The following MTPN variants were observed in gnomAD, a reference collection of about 807,000 sequenced individuals.
The protein encoded by MTPN is granule cell differentiation protein.
A neutral mutation model predicts 13.5 loss-of-function variants in MTPN; 2 were observed. That is an observed-to-expected ratio of 0.15 (90% CI 0.06 to 0.47). MTPN has a LOEUF of 0.47. Among genes scored for constraint, MTPN ranks in the 20% least tolerant of loss-of-function variants. The pLI, the probability that MTPN is intolerant of heterozygous loss-of-function variation, is 0.97. For missense variants in MTPN, 79 were observed against 137.9 expected (o/e 0.57, Z 2.14); for synonymous variants, 46 against 51.7 (o/e 0.89, Z 0.48).
In MTPN at chr7:135,965,228, T is replaced by C. The variant is rs10260809; in HGVS notation, c.72+11801A>G. ...GTATTAAGCACTGCTTTGCAAATTT[T>C]ACATTTACATTATTTTTTAAAACTT... On this transcript the variant is annotated intron_variant, in intron 1 of 3. Transcript: ENST00000393085. Among the ~76,000 whole-genome samples the C allele has an allele frequency of 5.1e-3, 773 of 152,266 alleles. 6 individuals carry two copies. Among genetic ancestry groups the C allele is most frequent in the African/African-American group, 0.018 (749 of 41,564 alleles).
intron 3 of MTPN, among the ~76,000 whole-genome samples, chr7:135,941,015 T>C (rs1446895482): frequency 6.6e-6 from 1 of 152,206 alleles, no homozygotes; most frequent in Non-Finnish European, 1.5e-5. Context: ...GTGGCAGAGA[T>C]GAGAAGCTTT....
At chr7:135,954,299 T>C (rs1435719014) in intron 1 of MTPN, among the ~76,000 whole-genome samples, 1 of 152,262 alleles carries the variant, frequency 6.6e-6, no homozygotes, top group Non-Finnish European at 1.5e-5. Context: ...GACAAAAGAT[T>C]ATTCAAAATA....
chr7:135,973,466 T>C (rs1799726578), intron 1 of MTPN, among the ~76,000 whole-genome samples: 1 of 150,236 alleles, frequency 6.7e-6, no homozygotes, highest in South Asian at 2.1e-4. Context: ...GGAGACACAA[T>C]AGGAATAAAA....
chr7:135,954,965 C>T (rs1463031505), intron 1 of MTPN, among the ~76,000 whole-genome samples: 1 of 152,096 alleles, frequency 6.6e-6, no homozygotes, highest in Non-Finnish European at 1.5e-5. Flanking sequence ...ATGTTATATC[C>T]TCCCTTGCAC....
intron 3 of MTPN, among the ~76,000 whole-genome samples, chr7:135,946,621 T>C (rs1371360246): frequency 6.6e-6 from 1 of 152,240 alleles, no homozygotes; most frequent in Non-Finnish European, 1.5e-5. Flanking sequence ...AGGGTATGCC[T>C]AGGAAAAAGT....
intron 1 of MTPN, among the ~76,000 whole-genome samples, chr7:135,973,978 A>G (rs1799734751): frequency 6.6e-6 from 1 of 152,230 alleles, no homozygotes; most frequent in Non-Finnish European, 1.5e-5. Context: ...AAATTGCTTC[A>G]GATATTGTCT....
intron 1 of MTPN, among the ~76,000 whole-genome samples, chr7:135,973,073 T>C (rs1312386508): frequency 6.7e-6 from 1 of 149,486 alleles, no homozygotes; most frequent in Non-Finnish European, 1.5e-5. Context: ...CCTTTTAAAA[T>C]AAGCAGTGAG....
chr7:135,941,881 CTTTTTT>C (rs564045963), intron 3 of MTPN, among the ~76,000 whole-genome samples: 1 of 136,194 alleles, frequency 7.3e-6, no homozygotes, highest in African/African-American at 2.7e-5. Context: ...TGTTATATTA[CTTTTTT>C]TTTTTTTTTT....
At chr7:135,975,315 T>C (rs575441432) in intron 1 of MTPN, among the ~76,000 whole-genome samples, 1 of 152,358 alleles carries the variant, frequency 6.6e-6, no homozygotes, top group East Asian at 1.9e-4. Flanking sequence ...CTTGGTATGA[T>C]ACGCTTTCAC....
intron 3 of MTPN, among the ~76,000 whole-genome samples, chr7:135,930,638 G>A (rs1447784571): frequency 1.3e-5 from 2 of 152,152 alleles, no homozygotes; most frequent in Non-Finnish European, 2.9e-5. Context: ...CGGCATTCTG[G>A]TTTTGAGAGT....
chr7:135,945,369 C>T (rs904071942), intron 3 of MTPN, among the ~76,000 whole-genome samples: 1 of 152,184 alleles, frequency 6.6e-6, no homozygotes, highest in African/African-American at 2.4e-5. Flanking sequence ...ATGTCTTTAA[C>T]ATTTTGACTG....
At chr7:135,969,241 AAAAAAAAAAAAAG>A (rs1246298346) in intron 1 of MTPN, among the ~76,000 whole-genome samples, 6 of 97,300 alleles carry the variant, frequency 6.2e-5, no homozygotes, top group Non-Finnish European at 1.1e-4. Context: ...AGTATAATAA[AAAAAAAAAAAAAG>A]AAAAAAAAAA....
At chr7:135,975,087 A>G (rs1799752379) in intron 1 of MTPN, among the ~76,000 whole-genome samples, 1 of 152,224 alleles carries the variant, frequency 6.6e-6, no homozygotes, top group Admixed American at 6.5e-5. Flanking sequence ...CCTCTTATGC[A>G]AATTTTTTAC....
chr7:135,952,442 C>T (rs1043517731), intron 1 of MTPN, among the ~76,000 whole-genome samples: 4 of 152,256 alleles, frequency 2.6e-5, no homozygotes, highest in South Asian at 2.1e-4. Context: ...CACTGTGATA[C>T]ACCCATTATT....
chr7:135,954,873 G>A (rs1342880895), intron 1 of MTPN, among the ~76,000 whole-genome samples: 6 of 152,190 alleles, frequency 3.9e-5, no homozygotes, highest in African/African-American at 1.2e-4. Flanking sequence ...AACCTGGGAG[G>A]CAGAGCTTGC....
intron 3 of MTPN, among the ~76,000 whole-genome samples, chr7:135,940,521 T>C (rs931667859): frequency 1.2e-4 from 19 of 152,200 alleles, no homozygotes; most frequent in Non-Finnish European, 2.5e-4. Context: ...AGTAAAAATA[T>C]GTAACCACAT....
chr7:135,964,483 G>A (rs541367673), intron 1 of MTPN, among the ~76,000 whole-genome samples: 2 of 152,140 alleles, frequency 1.3e-5, no homozygotes, highest in South Asian at 4.1e-4. Flanking sequence ...GGGCTGGGAA[G>A]AAAATTTTGG....
chr7:135,976,562 T>C (rs1355564741), intron 1 of MTPN, among the ~76,000 whole-genome samples: 1 of 152,238 alleles, frequency 6.6e-6, no homozygotes, highest in Non-Finnish European at 1.5e-5. Flanking sequence ...CAATGAATTC[T>C]TCAACTTCAC....
At chr7:135,975,460 T>C (rs969305808) in intron 1 of MTPN, among the ~76,000 whole-genome samples, 11 of 152,324 alleles carry the variant, frequency 7.2e-5, no homozygotes, top group African/African-American at 2.6e-4. Context: ...CAGTAATCTG[T>C]AAAATGGGAC....
Sources: gnomAD v4.1 joint callset for allele counts (sites outside exome capture counted in the v4.1 genomes callset) on GRCh38, gnomAD v4.1.1 for gene constraint, MANE v1.5 for transcripts, NCBI Gene and HGNC (gene_info 2026-07-23, HGNC 2026-07-21) for gene names.